Variants in CIDEA observed in about 807,000 individuals in gnomAD.
CIDEA encodes the protein cell death inducing DFFA like effector a, also known as lipid transferase CIDEA.
Under a neutral mutation model 18.2 loss-of-function variants are expected in CIDEA, and 10 were observed. That is an observed-to-expected ratio of 0.55 (90% confidence interval 0.34 to 0.93). The LOEUF is 0.93. Ranked by LOEUF, CIDEA falls within the 40% of genes least tolerant of loss-of-function variation. The pLI, the probability that CIDEA is intolerant of heterozygous loss-of-function variation, is 0.02. For missense variants in CIDEA, 309 were observed against 293.1 expected, an observed-to-expected ratio of 1.05 and a Z score of -0.40; for synonymous variants, 128 against 124.8, an observed-to-expected ratio of 1.03 and a Z score of -0.17.
chr18:12,263,042 C>T, intron 2 of CIDEA, 73 bp downstream of exon 2: 1 of 1,508,082 alleles, frequency 6.6e-7, no homozygotes, highest in African/African-American at 1.4e-5. Context: ...TGGTCTTGGG[C>T]TCTAAGCCAG....
At chr18:12,276,209 G>C (rs1423912760) in intron 4 of CIDEA, among the ~76,000 whole-genome samples, 1 of 151,886 alleles carries the variant, frequency 6.6e-6, no homozygotes, top group Non-Finnish European at 1.5e-5. Context: ...GGCCAGGCTG[G>C]TCTCAATCTA....
intron 3 of CIDEA, among the ~76,000 whole-genome samples, chr18:12,267,003 C>T (rs1912369260): frequency 6.6e-6 from 1 of 152,180 alleles, no homozygotes; most frequent in Non-Finnish European, 1.5e-5. Context: ...TTGTGATCCA[C>T]CTGCCTCGGC....
chr18:12,263,042 C>A, intron 2 of CIDEA, 73 bp downstream of exon 2: 1 of 1,508,078 alleles, frequency 6.6e-7, no homozygotes, highest in Non-Finnish European at 9.0e-7. Flanking sequence ...TGGTCTTGGG[C>A]TCTAAGCCAG....
intron 4 of CIDEA, 77 bp from the exon 5 acceptor site, chr18:12,277,046 T>C: frequency 6.6e-7 from 1 of 1,523,976 alleles, no homozygotes; most frequent in African/African-American, 1.4e-5. Context: ...GTGGGGGGAG[T>C]GAAGTATTCC....
intron 4 of CIDEA, 146 bp downstream of exon 4, chr18:12,274,420 C>G (rs992596037): frequency 3.0e-6 from 2 of 657,328 alleles, no homozygotes; most frequent in African/African-American, 3.6e-5. Context: ...GAGGTCAACT[C>G]TTATCCCACA....
At chr18:12,266,073 T>G (rs1407635010) in intron 3 of CIDEA, among the ~76,000 whole-genome samples, 2 of 151,986 alleles carry the variant, frequency 1.3e-5, no homozygotes, top group Non-Finnish European at 2.9e-5. Context: ...AAAAAAATTT[T>G]TTTAAGGCTT....
intron 3 of CIDEA, among the ~76,000 whole-genome samples, chr18:12,265,729 G>A (rs1471064825): frequency 6.6e-6 from 1 of 152,142 alleles, no homozygotes; most frequent in East Asian, 1.9e-4. Context: ...GTTCCGCTTG[G>A]GATGAACATC....
At chr18:12,270,860 T>C (rs1453775357) in intron 3 of CIDEA, among the ~76,000 whole-genome samples, 1 of 150,170 alleles carries the variant, frequency 6.7e-6, no homozygotes, top group Non-Finnish European at 1.5e-5. Context: ...CACAGACACC[T>C]CTGTTTGTTT....
At chr18:12,269,974 G>A (rs1035984550) in intron 3 of CIDEA, among the ~76,000 whole-genome samples, 4 of 152,058 alleles carry the variant, frequency 2.6e-5, no homozygotes, top group Admixed American at 6.6e-5. Flanking sequence ...TTGGGATTAC[G>A]GGCATAAGCC....
chr18:12,264,297 G>T lies in CIDEA; in HGVS notation c.184-10G>T. On this transcript the variant is annotated splice_polypyrimidine_tract_variant and intron_variant, in intron 2 of 4. Transcript: ENST00000320477. Reference sequence around the variant, plus strand: ...CTTCACTCCATTTCTCTGATGTGTTGCACACCTAGACTCTGGATGCCCTCG... The same window carrying T: ...CTTCACTCCATTTCTCTGATGTGTTTCACACCTAGACTCTGGATGCCCTCG... The T allele has an allele frequency of 6.3e-7, 1 of 1,588,666 alleles. No individual in the cohort carries two copies. The highest frequency in any genetic ancestry group is 1.4e-5 in the African/African-American group (1 of 73,706).
At chr18:12,265,302 A>G (rs1253371232) in intron 3 of CIDEA, among the ~76,000 whole-genome samples, 1 of 152,276 alleles carries the variant, frequency 6.6e-6, no homozygotes, top group Non-Finnish European at 1.5e-5. Context: ...TCCAAGAAAG[A>G]GAAATCCTCA....
At chr18:12,269,727 T>G (rs919801079) in intron 3 of CIDEA, among the ~76,000 whole-genome samples, 2 of 152,154 alleles carry the variant, frequency 1.3e-5, no homozygotes, top group African/African-American at 4.8e-5. Context: ...GAGGCAGGGT[T>G]TGCTCTGTCA....
chr18:12,254,827 AC>A (rs1480346994), intron 1 of CIDEA: 6 of 1,338,822 alleles, frequency 4.5e-6, no homozygotes, highest in African/African-American at 1.5e-5. Context: ...ATGCGAGGGG[AC>A]CGGGCTTCTG....
Position 12,271,007 on chromosome 18 carries a change from T to C in CIDEA, c.331-3086T>C, listed in dbSNP as rs575254498. On this transcript the variant is annotated intron_variant, in intron 3 of 4. Coordinates refer to ENST00000320477, the MANE Select transcript of CIDEA (RefSeq NM_001279.4). Reference sequence around the variant, plus strand: ...TCCACCTCCAGGGTTCAAGTAATTCTCCTGCCTCAGCCTCCCGAGTAGCTG... The same window carrying C: ...TCCACCTCCAGGGTTCAAGTAATTCCCCTGCCTCAGCCTCCCGAGTAGCTG... 1.1e-3 allele frequency among the ~76,000 whole-genome samples: 157 copies of C among 146,672 alleles called. 3 individuals carry two copies. The highest frequency in any genetic ancestry group is 2.0e-3 in the Non-Finnish European group (133 of 67,046).
At position 12,258,143 on chromosome 18, in the gene CIDEA, G is replaced by T. The variant is rs776256408; in HGVS notation, c.38+3722G>T. ...TTCCTCCAGCAGTGACGCAGCTCTT[G>T]GTTTGGAAATGCTACAGGTGAGAAC... On this transcript the variant is annotated intron_variant, in intron 1 of 4. Transcript: ENST00000320477. Among the ~76,000 whole-genome samples, 73 of 152,188 alleles carry T rather than the reference G, an allele frequency of 4.8e-4. 1 individual carries two copies. Among genetic ancestry groups the T allele is most frequent in the Non-Finnish European group, 1.8e-4 (12 of 68,028 alleles).
intron 3 of CIDEA, among the ~76,000 whole-genome samples, chr18:12,273,499 C>A (rs762735204): frequency 4.4e-4 from 67 of 152,168 alleles, no homozygotes; most frequent in Admixed American, 1.9e-3. Context: ...TCCTCCCACC[C>A]AGGGGGGTCT....
At chr18:12,265,817 T>G (rs946398439) in intron 3 of CIDEA, among the ~76,000 whole-genome samples, 1 of 152,122 alleles carries the variant, frequency 6.6e-6, no homozygotes, top group Non-Finnish European at 1.5e-5. Context: ...ACGTAAGGAC[T>G]CAGGCACCAC....
chr18:12,273,330 A>T (rs1267334718), intron 3 of CIDEA, among the ~76,000 whole-genome samples: 1 of 151,950 alleles, frequency 6.6e-6, no homozygotes, highest in Non-Finnish European at 1.5e-5. Context: ...TGAGTGCTGC[A>T]AGATCTGTAT....
At chr18:12,259,457 C>A (rs1208495455) in intron 1 of CIDEA, among the ~76,000 whole-genome samples, 1 of 152,206 alleles carries the variant, frequency 6.6e-6, no homozygotes, top group Non-Finnish European at 1.5e-5. Flanking sequence ...TTATCTTTTT[C>A]CCTTATTGAC....
Sources: allele counts gnomAD v4.1 joint callset (sites outside exome capture counted in the v4.1 genomes callset), GRCh38; gene constraint gnomAD v4.1.1; transcripts MANE v1.5; gene names NCBI Gene and HGNC (gene_info 2026-07-23, HGNC 2026-07-21).